Variants in ITGA8 observed in about 807,000 individuals in gnomAD.
ITGA8 encodes the protein integrin alpha-8.
A neutral mutation model predicts 142.3 loss-of-function variants in ITGA8; 91 were observed. That is an observed-to-expected ratio of 0.64 (90% CI 0.54 to 0.76). The LOEUF (loss-of-function observed/expected upper bound fraction) is 0.76, where lower values mean the gene tolerates loss of function less well. Ranked by LOEUF, ITGA8 falls within the 30% of genes least tolerant of loss-of-function variation. The pLI, the probability that ITGA8 is intolerant of heterozygous loss-of-function variation, is 0.00. For missense variants in ITGA8, 1,406 were observed against 1,327.7 expected (o/e 1.06, Z -0.92); for synonymous variants, 505 against 485.2 (o/e 1.04, Z -0.54).
intron 27 of ITGA8, among the ~76,000 whole-genome samples, chr10:15,545,522 G>A (rs113378012): frequency 0.012 from 1,759 of 152,246 alleles, 15 homozygotes; most frequent in Middle Eastern, 0.037. Flanking sequence ...ATATCCACAT[G>A]CCTACCGCTG....
In ITGA8 at chr10:15,677,579, C is replaced by T; in HGVS notation, c.676+13G>A. On this transcript the variant is annotated intron_variant, in intron 6 of 29. Coordinates refer to ENST00000378076, the MANE Select transcript of ITGA8 (RefSeq NM_003638.3). ...CAACAAATGTGCTTTTCTTGTCTGC[C>T]AACAGAACATACCTTGCCAGTAGAA... 2 of 1,610,740 alleles carry T rather than the reference C, an allele frequency of 1.2e-6. No homozygotes were observed. The highest frequency in any genetic ancestry group is 1.7e-6 in the Non-Finnish European group (2 of 1,178,304).
chr10:15,719,862 C>CA lies in ITGA8; in HGVS notation c.-92dup. 1 of 1,013,444 alleles carries CA rather than the reference C, an allele frequency of 9.9e-7. No individual in the cohort carries two copies. Among genetic ancestry groups the CA allele is most frequent in the Non-Finnish European group, 1.3e-6 (1 of 775,138 alleles). The allele number at this position is 1,013,444 out of a possible 1,614,324, so 62.8% of individuals were successfully genotyped here. A position where few individuals can be genotyped will look rare whatever the true frequency, so the allele number is the denominator to read the frequency against. ...GGGGCTGGTGGAATCTGGCGGTCCCCAGCTGCCCGTGTCCCGGGTCGGTGC... is the reference window on the plus strand; with the variant it reads ...GGGGCTGGTGGAATCTGGCGGTCCCCAAGCTGCCCGTGTCCCGGGTCGGTGC... On this transcript the variant is annotated 5_prime_UTR_variant, in exon 1 of 30. Coordinates refer to ENST00000378076, the MANE Select transcript of ITGA8 (RefSeq NM_003638.3).
chr10:15,682,186 T>G (rs1039865029), intron 4 of ITGA8, among the ~76,000 whole-genome samples: 6 of 152,218 alleles, frequency 3.9e-5, no homozygotes, highest in Admixed American at 6.5e-5. Flanking sequence ...TGTATTTTTT[T>G]GTAGCACTTT....
chr10:15,613,861 A>G, intron 14 of ITGA8, 94 bp from the exon 15 acceptor site: 1 of 827,266 alleles, frequency 1.2e-6, no homozygotes, highest in Admixed American at 2.0e-5. Context: ...TCAGTAGTAG[A>G]CAGAATACTC....
intron 4 of ITGA8, among the ~76,000 whole-genome samples, chr10:15,681,737 C>G (rs1834741692): frequency 1.3e-5 from 2 of 152,172 alleles, no homozygotes; most frequent in Admixed American, 1.3e-4. Flanking sequence ...ATGGTCTTGT[C>G]TTTAGTTACA....
intron 2 of ITGA8, among the ~76,000 whole-genome samples, chr10:15,711,093 C>T (rs777959715): frequency 9.2e-5 from 14 of 152,146 alleles, no homozygotes; most frequent in Non-Finnish European, 1.3e-4. Context: ...CAGTGACTAC[C>T]AGTGAGGAAA....
chr10:15,563,176 T>C (rs1371877413), intron 25 of ITGA8, among the ~76,000 whole-genome samples: 2 of 152,114 alleles, frequency 1.3e-5, no homozygotes, highest in African/African-American at 4.8e-5. Context: ...GCCAGCTCCA[T>C]GCTTCTTGTA....
chr10:15,656,355 T>TTTTA (rs1346986234), intron 10 of ITGA8, among the ~76,000 whole-genome samples: 7 of 151,894 alleles, frequency 4.6e-5, no homozygotes, highest in East Asian at 1.9e-4. Context: ...CTCCCCACTT[T>TTTTA]TTTATTTATT....
At chr10:15,630,803 A>G (rs1456822587) in intron 13 of ITGA8, among the ~76,000 whole-genome samples, 1 of 152,022 alleles carries the variant, frequency 6.6e-6, no homozygotes, top group African/African-American at 2.4e-5. Context: ...CAACTAATTC[A>G]TACTCCATTC....
chr10:15,684,449 C>A (rs563658268), intron 3 of ITGA8, among the ~76,000 whole-genome samples: 1 of 151,976 alleles, frequency 6.6e-6, no homozygotes, highest in African/African-American at 2.4e-5. Flanking sequence ...TCACTGTAGC[C>A]GCAACCTCCT....
At chr10:15,684,420 GC>G (rs1834798786) in intron 3 of ITGA8, among the ~76,000 whole-genome samples, 1 of 151,738 alleles carries the variant, frequency 6.6e-6, no homozygotes, top group Non-Finnish European at 1.5e-5. Flanking sequence ...AGGCTGGAGT[GC>G]AGAGGCATGA....
At chr10:15,563,642 C>T (rs149357596) in intron 25 of ITGA8, among the ~76,000 whole-genome samples, 227 of 152,234 alleles carry the variant, frequency 1.5e-3, no homozygotes, top group African/African-American at 5.3e-3. Context: ...CAGCCAGGTG[C>T]GGTGGCTCAC....
At chr10:15,567,319 T>A (rs965134548) in intron 25 of ITGA8, among the ~76,000 whole-genome samples, 1 of 151,984 alleles carries the variant, frequency 6.6e-6, no homozygotes, top group African/African-American at 2.4e-5. Flanking sequence ...AATAAGAAAA[T>A]TGATAGTTTG....
chr10:15,644,492 AG>A (rs1308902461), intron 12 of ITGA8, among the ~76,000 whole-genome samples: 3 of 9,066 alleles, frequency 3.3e-4, no homozygotes, highest in Non-Finnish European at 5.3e-4. Flanking sequence ...ATATATATAT[AG>A]AATTTTTTTT....
intron 15 of ITGA8, among the ~76,000 whole-genome samples, chr10:15,612,332 A>G (rs1833313390): frequency 6.6e-6 from 1 of 152,180 alleles, no homozygotes; most frequent in African/African-American, 2.4e-5. Context: ...CAACATGTTA[A>G]AATTGGCTGG....
At chr10:15,669,439 T>A (rs1588711450) in intron 8 of ITGA8, among the ~76,000 whole-genome samples, 1 of 152,208 alleles carries the variant, frequency 6.6e-6, no homozygotes, top group Non-Finnish European at 1.5e-5. Flanking sequence ...TTCCAAAGCT[T>A]TTACGTTCTT....
At chr10:15,665,021 G>A (rs954446247) in intron 8 of ITGA8, among the ~76,000 whole-genome samples, 9 of 152,128 alleles carry the variant, frequency 5.9e-5, no homozygotes, top group Non-Finnish European at 1.0e-4. Flanking sequence ...AATCCTTTGG[G>A]TATATACCCA....
chr10:15,653,530 T>C (rs956154977), intron 11 of ITGA8, among the ~76,000 whole-genome samples: 1 of 152,194 alleles, frequency 6.6e-6, no homozygotes, highest in African/African-American at 2.4e-5. Flanking sequence ...ATGGTTTACA[T>C]TGAATTCACA....
At chr10:15,532,761 G>T (rs1367540399) in intron 27 of ITGA8, among the ~76,000 whole-genome samples, 8 of 151,850 alleles carry the variant, frequency 5.3e-5, no homozygotes, top group Non-Finnish European at 5.9e-5. Flanking sequence ...ACTTTTGGGT[G>T]CCGGTTGTTA....
Sources: allele counts gnomAD v4.1 joint callset (sites outside exome capture counted in the v4.1 genomes callset), GRCh38; gene constraint gnomAD v4.1.1; transcripts MANE v1.5; gene names NCBI Gene and HGNC (gene_info 2026-07-23, HGNC 2026-07-21).